Variants in MBNL2 observed in about 807,000 individuals in gnomAD.
The protein encoded by MBNL2 is muscleblind like splicing regulator 2.
A neutral mutation model predicts 41.9 loss-of-function variants in MBNL2; 17 were observed. The observed-to-expected ratio is 0.41, with a 90% CI of 0.28 to 0.61. The LOEUF (loss-of-function observed/expected upper bound fraction) is 0.61. MBNL2 is among the 20% of genes least tolerant of loss of function. MBNL2 has a pLI of 0.35. For missense variants in MBNL2, 336 were observed against 505.6 expected (o/e 0.66, Z 3.22); for synonymous variants, 195 against 182.9 (o/e 1.07, Z -0.53).
chr13:97,348,629 A>G (rs1016614891), intron 5 of MBNL2, among the ~76,000 whole-genome samples: 1 of 152,196 alleles, frequency 6.6e-6, no homozygotes, highest in African/African-American at 2.4e-5. Context: ...AACTGAGAGC[A>G]ATAACATGCT....
chr13:97,357,359 C>T, intron 6 of MBNL2, 123 bp from the exon 7 acceptor site: 2 of 761,252 alleles, frequency 2.6e-6, no homozygotes, highest in Non-Finnish European at 4.5e-6. Flanking sequence ...AATTAAGGTG[C>T]ATGGCAGAGG....
chr13:97,144,194 G>T, the MBNL2 span, among the ~76,000 whole-genome samples: 5 of 151,772 alleles, frequency 3.3e-5, no homozygotes, highest in African/African-American at 4.8e-5. Flanking sequence ...AAAAGGGAGC[G>T]GCTGCTCTGT....
intron 2 of MBNL2, among the ~76,000 whole-genome samples, chr13:97,314,019 C>T (rs2058825497): frequency 6.6e-6 from 1 of 152,028 alleles, no homozygotes; most frequent in African/African-American, 2.4e-5. Flanking sequence ...GTGCATTAAC[C>T]CTCCATTGAT....
chr13:97,296,854 A>C (rs1169583183), intron 2 of MBNL2, among the ~76,000 whole-genome samples: 2 of 152,228 alleles, frequency 1.3e-5, no homozygotes, highest in Non-Finnish European at 2.9e-5. Context: ...GGTGTGATCA[A>C]GCTGACTCAT....
At chr13:97,385,636 G>A (rs973228745) in intron 8 of MBNL2, among the ~76,000 whole-genome samples, 1 of 152,136 alleles carries the variant, frequency 6.6e-6, no homozygotes, top group African/African-American at 2.4e-5. Flanking sequence ...TTTGAAATGA[G>A]CACTTTTACA....
intron 1 of MBNL2, among the ~76,000 whole-genome samples, chr13:97,251,644 T>G (rs951519014): frequency 5.3e-5 from 8 of 152,218 alleles, no homozygotes; most frequent in African/African-American, 1.9e-4. Flanking sequence ...CTATTATCCA[T>G]GAAAGATTCT....
At chr13:97,182,226 T>G in the MBNL2 span, among the ~76,000 whole-genome samples, 35 of 152,238 alleles carry the variant, frequency 2.3e-4, no homozygotes, top group East Asian at 1.9e-4. Context: ...TGATGACTCA[T>G]GCAAACTAAA....
chr13:97,177,305 C>T, the MBNL2 span, among the ~76,000 whole-genome samples: 455 of 152,302 alleles, frequency 3.0e-3, 6 homozygotes, highest in South Asian at 0.014. Flanking sequence ...CGCCACTGCA[C>T]TCCAGCCTGG....
At chr13:97,185,640 TG>T in the MBNL2 span, among the ~76,000 whole-genome samples, 1 of 152,212 alleles carries the variant, frequency 6.6e-6, no homozygotes, top group Non-Finnish European at 1.5e-5. Context: ...CAGAGGCATG[TG>T]GGCAGCCTCC....
intron 2 of MBNL2, among the ~76,000 whole-genome samples, chr13:97,303,749 A>G (rs2057864743): frequency 6.6e-6 from 1 of 152,220 alleles, no homozygotes. Flanking sequence ...CCTCACATAA[A>G]CAAATAGAAA....
At chr13:97,230,716 C>T (rs1207571938) in intron 1 of MBNL2, among the ~76,000 whole-genome samples, 1 of 152,186 alleles carries the variant, frequency 6.6e-6, no homozygotes, top group East Asian at 1.9e-4. Flanking sequence ...AGCACCATAG[C>T]CTAATCTCCA....
chr13:97,323,386 A>G (rs910510828), intron 2 of MBNL2, among the ~76,000 whole-genome samples: 2 of 152,248 alleles, frequency 1.3e-5, no homozygotes, highest in South Asian at 2.1e-4. Context: ...CGTGGATTCA[A>G]CCAACTATGG....
At chr13:97,320,960 G>C (rs754772360) in intron 2 of MBNL2, among the ~76,000 whole-genome samples, 1 of 151,966 alleles carries the variant, frequency 6.6e-6, no homozygotes, top group Non-Finnish European at 1.5e-5. Flanking sequence ...CTTTCACATC[G>C]TCTTCCCTCT....
intron 5 of MBNL2, among the ~76,000 whole-genome samples, chr13:97,349,108 G>A (rs139418923): frequency 1.7e-3 from 254 of 151,828 alleles, no homozygotes; most frequent in Non-Finnish European, 2.6e-3. Context: ...CTTTCCTCTC[G>A]TCCTTCTCAT....
the MBNL2 span, among the ~76,000 whole-genome samples, chr13:97,167,961 A>T: frequency 1.3e-5 from 2 of 152,152 alleles, no homozygotes; most frequent in East Asian, 3.9e-4. Context: ...TTTTGTTTGG[A>T]GATATATATA....
At chr13:97,153,861 C>T in the MBNL2 span, among the ~76,000 whole-genome samples, 104 of 152,296 alleles carry the variant, frequency 6.8e-4, no homozygotes, top group Non-Finnish European at 1.3e-3. Flanking sequence ...GGCTTCCAAA[C>T]ATGTTGTGCC....
chr13:97,232,890 T>TGTGTGTGCGC (rs1491513676), intron 1 of MBNL2, among the ~76,000 whole-genome samples: 17 of 134,568 alleles, frequency 1.3e-4, no homozygotes, highest in Admixed American at 5.3e-4. Context: ...TGTGTGTGTG[T>TGTGTGTGCGC]GCGCACGTAC....
chr13:97,239,558 A>G (rs769673986), intron 1 of MBNL2, among the ~76,000 whole-genome samples: 1 of 152,222 alleles, frequency 6.6e-6, no homozygotes, highest in Non-Finnish European at 1.5e-5. Flanking sequence ...GAACATATGC[A>G]TCTCTATGAA....
rs540593357 is a variant in MBNL2, at chr13:97,338,528, C to A, written c.339+4088C>A. 2.3e-4 allele frequency among the ~76,000 whole-genome samples: 35 copies of A among 152,274 alleles called. No individual in the cohort carries two copies. In the East Asian group the frequency reaches 6.4e-3, roughly 28 times the overall value. On this transcript the variant is annotated intron_variant, in intron 3 of 8. Coordinates refer to ENST00000679496, the MANE Select transcript of MBNL2 (RefSeq NM_001382683.1). The stretch of plus-strand genomic sequence containing the variant: ...TCAAGCCTTTCTCTCCCCTGACAAC[C>A]CTTCTGTCTCAAATTCACAGTGTTT...
Sources: allele counts gnomAD v4.1 joint callset (sites outside exome capture counted in the v4.1 genomes callset), GRCh38; gene constraint gnomAD v4.1.1; transcripts MANE v1.5; gene names NCBI Gene and HGNC (gene_info 2026-07-23, HGNC 2026-07-21).